The following RAE1 variants were observed in gnomAD, a reference collection of about 807,000 sequenced individuals.
The protein encoded by RAE1 is ribonucleic acid export 1.
A neutral mutation model predicts 52.7 loss-of-function variants in RAE1; 13 were observed. The observed-to-expected ratio is 0.25, with a 90% CI of 0.16 to 0.39. The LOEUF (loss-of-function observed/expected upper bound fraction) is 0.39. RAE1 is among the 10% of genes least tolerant of loss of function. RAE1 has a pLI of 1.00. For synonymous variants in RAE1, 164 were observed against 153.1 expected, an observed-to-expected ratio of 1.07 and a Z score of -0.52; for missense variants, 262 against 459.8, an observed-to-expected ratio of 0.57 and a Z score of 3.93.
chr20:57,367,189 G>C, intron 7 of RAE1, 110 bp downstream of exon 7: 3 of 957,402 alleles, frequency 3.1e-6, no homozygotes, highest in Non-Finnish European at 4.7e-6. Flanking sequence ...AATCCTGCTA[G>C]CTTTAGTAAT....
At chr20:57,363,520 T>A (rs2066916786) in intron 4 of RAE1, among the ~76,000 whole-genome samples, 1 of 151,832 alleles carries the variant, frequency 6.6e-6, no homozygotes, top group African/African-American at 2.4e-5. Flanking sequence ...ATAAAAAAAA[T>A]TATCTGAGTG....
In RAE1 at chr20:57,374,609, A is replaced by G. The variant is rs765622488; in HGVS notation, c.828A>G (p.Val276=). 4.7e-5 allele frequency: 75 copies of G among 1,610,714 alleles called. No homozygotes were observed. Among genetic ancestry groups the G allele is most frequent in the Non-Finnish European group, 5.9e-5 (69 of 1,178,054 alleles). Residue 276 remains valine, a splice_region_variant and synonymous_variant, in exon 11 of 12, where the codon GTA becomes GTG. Coordinates refer to ENST00000395841, the MANE Select transcript of RAE1 (RefSeq NM_003610.4). ...ATTGTGCATGTCAATCCTTGCAGGT[A>G]AATGGAATCGCGTTCCATCCTGTTC... ...NTSAPQDIYA[V]NGIAFHPVHG...
At chr20:57,359,643 C>T (rs143206620) in intron 4 of RAE1, 1 of 152,356 alleles carries the variant, frequency 6.6e-6, no homozygotes, top group East Asian at 1.9e-4. Context: ...CAGCTATCAC[C>T]AGGCTCGGTA....
chr20:57,374,857 G>A (rs1313723941), intron 11 of RAE1, 56 bp downstream of exon 11: 2 of 1,594,868 alleles, frequency 1.3e-6, no homozygotes, highest in East Asian at 2.2e-5. Context: ...CAGGCTCTGG[G>A]TTCAGAAGGC....
intron 11 of RAE1, 59 bp from the exon 12 acceptor site, chr20:57,377,954 C>T: frequency 7.5e-7 from 1 of 1,338,790 alleles, no homozygotes; most frequent in Non-Finnish European, 1.0e-6. Context: ...GAAAAAGCAC[C>T]TACAAATGCT....
Position 57,354,207 on chromosome 20 carries a change from C to G in RAE1, c.90+79C>G. On this transcript the variant is annotated intron_variant, in intron 2 of 11. Coordinates refer to ENST00000395841, the MANE Select transcript of RAE1 (RefSeq NM_003610.4). ...CCATCAAGGACAGAACCCGAGATGA[C>G]TTGGGAGCCTCCTTTAGGCTGAAAG... 2.4e-6 allele frequency: 3 copies of G among 1,232,476 alleles called. No homozygotes were observed. The Admixed American group carries it at 6.0e-5, about 24-fold the overall frequency. 76.3% of individuals were successfully genotyped at this position (1,232,476 alleles called of 1,614,324 possible). A position where few individuals can be genotyped will look rare whatever the true frequency, so the allele number is the denominator to read the frequency against.
chr20:57,351,464 A>T (rs1479038644), intron 1 of RAE1, 42 bp downstream of exon 1: 4 of 985,306 alleles, frequency 4.1e-6, no homozygotes, highest in Non-Finnish European at 4.8e-6. Context: ...AACCGCCGCC[A>T]TGGCTCCCGC....
In RAE1 at chr20:57,359,106, G is replaced by A. The variant is rs537365543; in HGVS notation, c.288+2568G>A. The A allele has an allele frequency of 4.2e-5, 49 of 1,174,456 alleles. No homozygotes were observed. The East Asian group carries it at 1.4e-3, about 33-fold the overall frequency. 72.8% of individuals were successfully genotyped at this position (1,174,456 alleles called of 1,614,324 possible). A position where few individuals can be genotyped will look rare whatever the true frequency, so the allele number is the denominator to read the frequency against. On this transcript the variant is annotated intron_variant, in intron 4 of 11. Coordinates refer to ENST00000395841, the MANE Select transcript of RAE1 (RefSeq NM_003610.4). ...TTCGCACGGTCAGGATACCACAGCT[G>A]TTGAATATATGTCACTGGGCAGATA... is the stretch of plus-strand genomic sequence containing the variant.
intron 1 of RAE1, chr20:57,352,057 CAAG>C (rs1012122658): frequency 3.5e-5 from 30 of 853,886 alleles, no homozygotes; most frequent in Middle Eastern, 5.9e-4. Context: ...TGAGTGTAAA[CAAG>C]AAATTCCAGG....
intron 9 of RAE1, 38 bp downstream of exon 9, chr20:57,373,619 C>G (rs770242176): frequency 6.2e-6 from 10 of 1,613,262 alleles, no homozygotes; most frequent in South Asian, 1.1e-5. Flanking sequence ...TTTCACTGGA[C>G]TTTTTTTAAC....
In RAE1 at chr20:57,373,742, C is replaced by T. The variant is rs572024782; in HGVS notation, c.825+4C>T. 50 of 1,610,750 alleles carry T rather than the reference C, an allele frequency of 3.1e-5. No homozygotes were observed. Among genetic ancestry groups the T allele is most frequent in the African/African-American group, 1.9e-4 (14 of 74,900 alleles). On this transcript the variant is annotated splice_donor_region_variant and intron_variant, in intron 10 of 11. Coordinates refer to ENST00000395841, the MANE Select transcript of RAE1 (RefSeq NM_003610.4). ...AGCTCCTCAGGACATTTATGCGGTA[C>T]GTTTTTAGACACTTTAACCGTGGTA...
rs548035344 is a variant in RAE1 at position 57,352,047 on chromosome 20, T to A, written c.-8+625T>A. ...CAGCATTCTGGGGGGGAAGAGATTT[T>A]GAGTGTAAACAAGAAATTCCAGGGG... On this transcript the variant is annotated intron_variant, in intron 1 of 11. Transcript: ENST00000395841. 14 of 909,294 alleles carry A rather than the reference T, an allele frequency of 1.5e-5. No homozygotes were observed. In the African/African-American group the frequency reaches 2.5e-4, roughly 16 times the overall value. The allele number at this position is 909,294 out of a possible 1,614,324, so 56.3% of individuals were successfully genotyped here. A position where few individuals can be genotyped will look rare whatever the true frequency, so the allele number is the denominator to read the frequency against.
chr20:57,351,669 G>T, intron 1 of RAE1: 1 of 985,518 alleles, frequency 1.0e-6, no homozygotes, highest in African/African-American at 1.7e-5. Flanking sequence ...TTGCGTTAAT[G>T]CAGTGTGTGT....
chr20:57,354,956 T>C, intron 3 of RAE1, 140 bp downstream of exon 3: 1 of 565,368 alleles, frequency 1.8e-6, no homozygotes, highest in East Asian at 3.4e-5. Context: ...TTAGGGGGTG[T>C]GAACCCTTCT....
At chr20:57,362,371 A>G (rs2066902660) in intron 4 of RAE1, among the ~76,000 whole-genome samples, 1 of 152,226 alleles carries the variant, frequency 6.6e-6, no homozygotes, top group Admixed American at 6.5e-5. Context: ...TAATAGATAT[A>G]TGAAAAGTTT....
chr20:57,358,919 T>C lies in RAE1; in HGVS notation c.288+2381T>C, dbSNP rs563525675. The C allele has an allele frequency of 2.9e-6, 4 of 1,360,698 alleles. No homozygotes were observed. The East Asian group carries it at 1.1e-4, about 38-fold the overall frequency. The allele number at this position is 1,360,698 out of a possible 1,614,324, so 84.3% of individuals were successfully genotyped here. A position where few individuals can be genotyped will look rare whatever the true frequency, so the allele number is the denominator to read the frequency against. ...CTGTAGGCTTGTTGGAGTTTTTATT[T>C]GCATTGATGAATTAAAGCTCCATAA... is the stretch of plus-strand genomic sequence containing the variant. On this transcript the variant is annotated intron_variant, in intron 4 of 11. Transcript: ENST00000395841.
At chr20:57,366,098 C>T (rs1281213700) in intron 5 of RAE1, among the ~76,000 whole-genome samples, 2 of 152,142 alleles carry the variant, frequency 1.3e-5, no homozygotes, top group Non-Finnish European at 2.9e-5. Context: ...ATTCCCATCA[C>T]CTCAGTGAGT....
chr20:57,356,362 G>A (rs911266799), intron 3 of RAE1, 84 bp from the exon 4 acceptor site: 9 of 1,022,290 alleles, frequency 8.8e-6, no homozygotes, highest in Non-Finnish European at 1.2e-5. Context: ...TATGGTTAAG[G>A]TGTACCCCAT....
At chr20:57,358,858 A>G (rs2066841867) in intron 4 of RAE1, 1 of 903,654 alleles carries the variant, frequency 1.1e-6, no homozygotes, top group Non-Finnish European at 1.5e-6. Flanking sequence ...GGTCACCCCA[A>G]CCAAAATTTT....
Sources: allele counts gnomAD v4.1 joint callset (sites outside exome capture counted in the v4.1 genomes callset), GRCh38; gene constraint gnomAD v4.1.1; transcripts MANE v1.5; gene names NCBI Gene and HGNC (gene_info 2026-07-23, HGNC 2026-07-21).